EXOC6: variants seen among roughly 807,000 people sequenced by gnomAD.
EXOC6 encodes the protein exocyst complex component 6.
EXOC6 carries 60 observed loss-of-function variants against 112.5 expected under a neutral mutation model. The observed-to-expected ratio is 0.53, with a 90% CI of 0.43 to 0.66. The LOEUF (loss-of-function observed/expected upper bound fraction) is 0.66. Among genes scored for constraint, EXOC6 ranks in the 30% least tolerant of loss-of-function variants. EXOC6 has a pLI of 0.00. For synonymous variants in EXOC6, 295 were observed against 308.0 expected, an observed-to-expected ratio of 0.96 and a Z score of 0.44; for missense variants, 855 against 957.1, an observed-to-expected ratio of 0.89 and a Z score of 1.41.
chr10:92,923,085 G>A (rs566488842), intron 8 of EXOC6, among the ~76,000 whole-genome samples: 3 of 152,264 alleles, frequency 2.0e-5, no homozygotes, highest in Admixed American at 2.0e-4. Context: ...CCAGTGTTGA[G>A]ATTAATAAGT....
chr10:92,977,871 G>A (rs924623239), intron 18 of EXOC6, among the ~76,000 whole-genome samples: 1 of 152,112 alleles, frequency 6.6e-6, no homozygotes, highest in Admixed American at 6.5e-5. Context: ...AGGAAACCCT[G>A]CTTTTTCATA....
intron 18 of EXOC6, among the ~76,000 whole-genome samples, chr10:92,981,568 T>C (rs747240847): frequency 2.0e-5 from 3 of 152,228 alleles, no homozygotes; most frequent in East Asian, 1.9e-4. Flanking sequence ...ATAGAAGATA[T>C]GGAATGATCA....
chr10:92,900,868 A>G (rs1263556964), intron 5 of EXOC6: 1 of 152,004 alleles, frequency 6.6e-6, no homozygotes, highest in Non-Finnish European at 1.5e-5. Context: ...TTATACTCAC[A>G]TTTTCTCAAC....
intron 6 of EXOC6, among the ~76,000 whole-genome samples, chr10:92,913,470 T>C (rs141840420): frequency 6.6e-6 from 1 of 152,238 alleles, no homozygotes; most frequent in Non-Finnish European, 1.5e-5. Context: ...AGTCTCATCT[T>C]GATACTTGTC....
At chr10:92,974,958 C>T (rs1223725626) in intron 18 of EXOC6, among the ~76,000 whole-genome samples, 3 of 152,314 alleles carry the variant, frequency 2.0e-5, no homozygotes, top group African/African-American at 7.2e-5. Flanking sequence ...TCCCAAAGTG[C>T]CGAGATTGCA....
chr10:92,956,363 C>T (rs1853694654), intron 17 of EXOC6, among the ~76,000 whole-genome samples: 1 of 152,070 alleles, frequency 6.6e-6, no homozygotes, highest in Non-Finnish European at 1.5e-5. Context: ...GATCACTTAT[C>T]TGTAAAATGG....
At chr10:92,931,184 A>G (rs1217269593) in intron 9 of EXOC6, among the ~76,000 whole-genome samples, 3 of 151,808 alleles carry the variant, frequency 2.0e-5, no homozygotes, top group African/African-American at 7.3e-5. Flanking sequence ...ATATTTGCAG[A>G]ACTCATGTCT....
intron 9 of EXOC6, among the ~76,000 whole-genome samples, chr10:92,932,179 G>GA (rs1338864571): frequency 6.6e-6 from 1 of 152,034 alleles, no homozygotes; most frequent in African/African-American, 2.4e-5. Context: ...TATTCTAAGT[G>GA]AAAAAAATTC....
chr10:92,952,195 T>A, intron 14 of EXOC6, 78 bp from the exon 15 acceptor site: 1 of 849,990 alleles, frequency 1.2e-6, no homozygotes, highest in South Asian at 1.6e-5. Flanking sequence ...GTGAAATCAA[T>A]TTAATTTTAC....
At chr10:92,832,284 TC>T (rs1424298072), upstream of EXOC6, among the ~76,000 whole-genome samples, 3 of 152,304 alleles carry the variant, frequency 2.0e-5, no homozygotes, top group Non-Finnish European at 4.4e-5. Context: ...AGGTGTATAC[TC>T]TTTTTTTTTG....
chr10:92,996,565 C>T (rs1010778427), intron 18 of EXOC6, among the ~76,000 whole-genome samples: 5 of 148,612 alleles, frequency 3.4e-5, no homozygotes, highest in East Asian at 4.0e-4. Flanking sequence ...TGCAGTGAGC[C>T]GAGATTGCGC....
At chr10:92,998,288 A>G (rs1843587028) in intron 19 of EXOC6, among the ~76,000 whole-genome samples, 1 of 152,192 alleles carries the variant, frequency 6.6e-6, no homozygotes, top group South Asian at 2.1e-4. Context: ...ATTTTCAAGC[A>G]GTGCTTTCAA....
chr10:92,875,245 T>C (rs1261012730), intron 1 of EXOC6, among the ~76,000 whole-genome samples: 2 of 152,176 alleles, frequency 1.3e-5, no homozygotes, highest in Non-Finnish European at 2.9e-5. Context: ...TGTCTGTCTT[T>C]ACCCGTAATT....
chr10:92,893,572 T>A, intron 2 of EXOC6, 52 bp downstream of exon 2: 2 of 1,437,934 alleles, frequency 1.4e-6, no homozygotes, highest in Non-Finnish European at 1.9e-6. Context: ...ATTACTCAAG[T>A]CTTAGTTGAT....
At chr10:93,051,806 CT>C in intron 20 of EXOC6, among the ~76,000 whole-genome samples, 1 of 152,242 alleles carries the variant, frequency 6.6e-6, no homozygotes, top group African/African-American at 2.4e-5. Context: ...GGGTTTAGGA[CT>C]TTTGTTGTTT....
At chr10:92,951,039 C>T (rs1240686244) in intron 14 of EXOC6, among the ~76,000 whole-genome samples, 1 of 152,104 alleles carries the variant, frequency 6.6e-6, no homozygotes, top group Non-Finnish European at 1.5e-5. Flanking sequence ...AACCAAGTTT[C>T]CACCTTGGAT....
chr10:92,949,316 A>G (rs1219723062), intron 14 of EXOC6, among the ~76,000 whole-genome samples: 1 of 152,088 alleles, frequency 6.6e-6, no homozygotes, highest in Non-Finnish European at 1.5e-5. Context: ...ATACAGAACC[A>G]GGTAATTAAA....
At chr10:92,919,507 G>A (rs539329505) in intron 7 of EXOC6, among the ~76,000 whole-genome samples, 2 of 152,124 alleles carry the variant, frequency 1.3e-5, no homozygotes, top group South Asian at 4.2e-4. Flanking sequence ...TTTAAGTGGT[G>A]GTGTTTTTTC....
At chr10:92,981,330 A>G (rs1842817414) in intron 18 of EXOC6, among the ~76,000 whole-genome samples, 1 of 152,112 alleles carries the variant, frequency 6.6e-6, no homozygotes, top group Non-Finnish European at 1.5e-5. Context: ...CTGCCTAACC[A>G]CCCAGCACTG....
Sources: gnomAD v4.1 joint callset for allele counts (sites outside exome capture counted in the v4.1 genomes callset) on GRCh38, gnomAD v4.1.1 for gene constraint, MANE v1.5 for transcripts, NCBI Gene and HGNC (gene_info 2026-07-23, HGNC 2026-07-21) for gene names.